Variants in MAST4 observed in about 807,000 individuals in gnomAD.
MAST4 encodes microtubule-associated serine/threonine-protein kinase 4.
In MAST4, 89 loss-of-function variants were observed where a neutral mutation model predicts 162.7. The observed-to-expected ratio is 0.55, with a 90% CI of 0.46 to 0.65. The LOEUF is 0.65. MAST4 is among the 30% of genes least tolerant of loss of function. MAST4 has a pLI of 0.00. For synonymous variants in MAST4, 1,479 were observed against 1,361.1 expected, an observed-to-expected ratio of 1.09 and a Z score of -1.91; for missense variants, 3,153 against 3,374.0, an observed-to-expected ratio of 0.93 and a Z score of 1.62.
chr5:66,819,288 A>G (rs1580529970), intron 3 of MAST4, among the ~76,000 whole-genome samples: 1 of 152,182 alleles, frequency 6.6e-6, no homozygotes. Flanking sequence ...AAAAAAAATA[A>G]TTTATATATA....
chr5:66,943,382 A>G (rs1399221663), intron 4 of MAST4, among the ~76,000 whole-genome samples: 3 of 152,154 alleles, frequency 2.0e-5, no homozygotes, highest in Admixed American at 2.0e-4. Flanking sequence ...TGTACAGGTT[A>G]TTAAACAAGG....
intron 5 of MAST4, among the ~76,000 whole-genome samples, chr5:67,056,202 CA>C (rs1758799502): frequency 1.3e-5 from 2 of 151,998 alleles, no homozygotes. Flanking sequence ...CGGGTGTAAG[CA>C]GTGGTAACAT....
intron 5 of MAST4, 32 bp from the exon 6 acceptor site, chr5:67,090,130 G>A (rs1331327806): frequency 1.4e-6 from 2 of 1,411,926 alleles, no homozygotes; most frequent in South Asian, 1.2e-5. Flanking sequence ...ACAAAATCAT[G>A]TAGTAAATTT....
chr5:67,143,834 C>G (rs1770714861), intron 21 of MAST4, among the ~76,000 whole-genome samples: 1 of 152,140 alleles, frequency 6.6e-6, no homozygotes, highest in South Asian at 2.1e-4. Flanking sequence ...CCTTCTTTGC[C>G]TTGGTGGGTA....
At chr5:67,131,133 A>G (rs916488600) in intron 15 of MAST4, among the ~76,000 whole-genome samples, 1 of 152,156 alleles carries the variant, frequency 6.6e-6, no homozygotes, top group Non-Finnish European at 1.5e-5. Flanking sequence ...TGAGCGAAAT[A>G]AAGTCCAAGA....
At position 67,164,931 on chromosome 5, in the gene MAST4, C is replaced by A; in HGVS notation, c.5752C>A (p.Pro1918Thr). Residue 1918 changes from proline to threonine, a missense_variant, in exon 29 of 29, where the codon CCC (proline) becomes ACC (threonine). This residue lies in a region of MAST4 where 1,644 missense variants were observed against 1,495.0 expected (regional missense o/e 1.10). Coordinates refer to ENST00000403625, the MANE Select transcript of MAST4 (RefSeq NM_001164664.2). The surrounding 1 kb of genome is among the most constrained non-coding windows in gnomAD (Gnocchi z 5.3). ...CCCTGGAACAGTCATGGAAAGCAAT[C>A]CCCAACAGAGAGAGGGCAGCTCCCC... Reference protein sequence around the residue: ...RSPGTVMESNPQQREGSSPKH... With the variant: ...RSPGTVMESNTQQREGSSPKH... 1 of 1,613,978 alleles carries A rather than the reference C, an allele frequency of 6.2e-7. No homozygotes were observed. The highest frequency in any genetic ancestry group is 8.5e-7 in the Non-Finnish European group (1 of 1,179,878).
intron 1 of MAST4, among the ~76,000 whole-genome samples, chr5:66,674,051 A>G (rs1197637642): frequency 6.6e-6 from 1 of 152,252 alleles, no homozygotes; most frequent in Non-Finnish European, 1.5e-5. Context: ...TCTCCAGAAG[A>G]GAACTTAGAT....
chr5:66,822,277 A>G (rs17214697), intron 3 of MAST4, among the ~76,000 whole-genome samples: 38,418 of 152,092 alleles, frequency 0.25, 5,888 homozygotes, highest in Non-Finnish European at 0.35. Flanking sequence ...CAGAGTGAGC[A>G]GCCTTGCCCT....
At chr5:66,847,695 C>CCTGTAATCCCAGCTACTTGGGAGG (rs1161781248) in intron 3 of MAST4, among the ~76,000 whole-genome samples, 8 of 151,116 alleles carry the variant, frequency 5.3e-5, no homozygotes, top group African/African-American at 9.7e-5. Context: ...GTGGTGGGAG[C>CCTGTAATCCCAGCTACTTGGGAGG]CTGTAATCCC....
At chr5:67,156,820 C>A (rs1772597366) in intron 26 of MAST4, among the ~76,000 whole-genome samples, 1 of 152,180 alleles carries the variant, frequency 6.6e-6, no homozygotes, top group African/African-American at 2.4e-5. Context: ...AATGCAAAAG[C>A]AGTCGTTCGG....
chr5:66,899,861 G>A, intron 3 of MAST4, 90 bp from the exon 4 acceptor site: 1 of 1,028,160 alleles, frequency 9.7e-7, no homozygotes, highest in Non-Finnish European at 1.4e-6. Context: ...GCGTAATGAA[G>A]GATGATACAT....
intron 3 of MAST4, among the ~76,000 whole-genome samples, chr5:66,878,813 T>C (rs747807703): frequency 6.6e-6 from 1 of 152,196 alleles, no homozygotes; most frequent in Non-Finnish European, 1.5e-5. Flanking sequence ...TCCTTATGGT[T>C]CCTAGCCCAG....
At chr5:66,922,918 A>G (rs940687642) in intron 4 of MAST4, among the ~76,000 whole-genome samples, 57 of 152,298 alleles carry the variant, frequency 3.7e-4, no homozygotes, top group African/African-American at 1.3e-3. Context: ...TTATCTGACC[A>G]GGTCTCCACT....
intron 1 of MAST4, among the ~76,000 whole-genome samples, chr5:66,738,874 A>G (rs776707757): frequency 6.6e-6 from 1 of 152,152 alleles, no homozygotes; most frequent in Non-Finnish European, 1.5e-5. Flanking sequence ...TGTTGTTTAA[A>G]TTTTTGTTAT....
intron 12 of MAST4, among the ~76,000 whole-genome samples, chr5:67,116,782 C>T (rs1766972524): frequency 6.6e-6 from 1 of 152,180 alleles, no homozygotes; most frequent in East Asian, 2.0e-4. Flanking sequence ...CGCCATTGCA[C>T]TACAGTCTGA....
rs143686189 is a variant in MAST4 at position 66,968,494 on chromosome 5, G to T, written c.674+68512G>T. 6.0e-4 allele frequency among the ~76,000 whole-genome samples: 91 copies of T among 152,234 alleles called. 1 individual carries two copies. The highest frequency in any genetic ancestry group is 1.9e-3 in the African/African-American group (79 of 41,536). ...TTCCAGAGAAGAATATTATCACTGT[G>T]CCATCAACTCCACAAGGACAACCAT... is the stretch of plus-strand genomic sequence containing the variant. On this transcript the variant is annotated intron_variant, in intron 4 of 28. Transcript: ENST00000403625.
intron 4 of MAST4, among the ~76,000 whole-genome samples, chr5:66,983,139 T>G (rs1749067722): frequency 6.6e-6 from 1 of 152,202 alleles, no homozygotes. Flanking sequence ...ACTGAGCTTT[T>G]CTTGTGCTCA....
intron 3 of MAST4, among the ~76,000 whole-genome samples, chr5:66,855,492 C>T (rs868479905): frequency 6.6e-6 from 1 of 152,150 alleles, no homozygotes; most frequent in Non-Finnish European, 1.5e-5. Context: ...GTGGTGTTTG[C>T]TCGCTTCATT....
intron 23 of MAST4, 127 bp downstream of exon 23, chr5:67,145,506 G>T: frequency 2.8e-6 from 2 of 712,274 alleles, no homozygotes; most frequent in Non-Finnish European, 4.7e-6. Context: ...TTTCTCCATG[G>T]CCTCAGTCCT....
Sources: allele counts gnomAD v4.1 joint callset (sites outside exome capture counted in the v4.1 genomes callset), GRCh38; gene constraint gnomAD v4.1.1; regional missense constraint gnomAD v4.1.1; non-coding constraint Gnocchi (gnomAD v3.1); transcripts MANE v1.5; gene names NCBI Gene and HGNC (gene_info 2026-07-23, HGNC 2026-07-21).